Variants in VWA3B observed in about 807,000 individuals in gnomAD.
VWA3B encodes the protein von Willebrand factor A domain-containing protein 3B.
A neutral mutation model predicts 158.3 loss-of-function variants in VWA3B; 138 were observed. The observed-to-expected ratio is 0.87, with a 90% CI of 0.76 to 1.00. The LOEUF is 1.00. Among genes scored for constraint, VWA3B ranks in the 50% least tolerant of loss-of-function variants. VWA3B has a pLI of 0.00. For synonymous variants in VWA3B, 596 were observed against 587.3 expected, an observed-to-expected ratio of 1.01 and a Z score of -0.21; for missense variants, 1,555 against 1,565.1, an observed-to-expected ratio of 0.99 and a Z score of 0.11.
At chr2:98,183,189 CT>C (rs1244544813) in intron 9 of VWA3B, among the ~76,000 whole-genome samples, 597 of 124,596 alleles carry the variant, frequency 4.8e-3, no homozygotes, top group African/African-American at 0.011. Flanking sequence ...GTACAGCTCC[CT>C]TTTTTTTTTT....
At chr2:98,211,800 T>C in intron 12 of VWA3B, 130 bp from the exon 13 acceptor site, 3 of 751,376 alleles carry the variant, frequency 4.0e-6, no homozygotes, top group South Asian at 3.8e-5. Flanking sequence ...TAAACTATTA[T>C]CTCAATGTAA....
At chr2:98,096,702 T>C (rs1682737663) in intron 2 of VWA3B, among the ~76,000 whole-genome samples, 1 of 152,248 alleles carries the variant, frequency 6.6e-6, no homozygotes, top group South Asian at 2.1e-4. Context: ...TCTAATTTGT[T>C]CATGTGTAAT....
At chr2:98,302,870 A>G (rs1243638581) in intron 25 of VWA3B, among the ~76,000 whole-genome samples, 1 of 152,178 alleles carries the variant, frequency 6.6e-6, no homozygotes, top group East Asian at 1.9e-4. Context: ...TTAAGCGCAA[A>G]GGAGAAAGAC....
Position 98,250,378 on chromosome 2 carries a change from G to T in VWA3B, c.2734G>T (p.Gly912Ter). Residue 912 changes from glycine (G) to a stop codon, truncating the protein, a stop_gained, in exon 20 of 28, where the codon GGA becomes TGA. Coordinates refer to ENST00000477737, the MANE Select transcript of VWA3B (RefSeq NM_144992.5). LOFTEE classifies it high-confidence loss of function. ...TAAGATGACATTAATTAACCCCCAA[G>T]GAGCCAAACTCAATATCTACAAGCG... ...TNKMTLINPQGAKLNIYKRKV... is the reference protein window; with the variant it reads ...TNKMTLINPQ The T allele has an allele frequency of 3.7e-6, 6 of 1,613,324 alleles. No individual in the cohort carries two copies. Among genetic ancestry groups the T allele is most frequent in the Non-Finnish European group, 3.4e-6 (4 of 1,179,784 alleles).
chr2:98,316,926 C>T (rs1017804735), downstream of VWA3B, among the ~76,000 whole-genome samples: 9 of 152,168 alleles, frequency 5.9e-5, no homozygotes, highest in Non-Finnish European at 1.3e-4. Flanking sequence ...TGCTGCCATG[C>T]TTCCTGTACA....
intron 1 of VWA3B, among the ~76,000 whole-genome samples, chr2:98,092,842 A>G (rs1364943777): frequency 1.4e-4 from 19 of 135,360 alleles, no homozygotes; most frequent in East Asian, 2.2e-4. Flanking sequence ...ATATATATAT[A>G]TATATATATA....
intron 9 of VWA3B, among the ~76,000 whole-genome samples, chr2:98,183,971 C>A (rs141287638): frequency 6.6e-6 from 1 of 152,140 alleles, no homozygotes; most frequent in Non-Finnish European, 1.5e-5. Context: ...ATTTATGGAA[C>A]GCTTCTATGC....
rs925507878 is a variant in VWA3B at position 98,270,694 on chromosome 2, C to T, written c.2856C>T (p.Asn952=). The change falls in exon 22 of 28, where the codon AAC becomes AAT. Residue 952 remains asparagine (N), a synonymous_variant. Transcript: ENST00000477737. The part of the protein sequence containing the change: ...SQEEKEKLDA[N]KPIQYLENKT... ...CTTTGTTTTTTAGGTTAGATGCAAACAAACCAATACAGTACTTGGAAAACA... is the reference window on the plus strand; with the variant it reads ...CTTTGTTTTTTAGGTTAGATGCAAATAAACCAATACAGTACTTGGAAAACA... 3.7e-6 allele frequency: 6 copies of T among 1,613,240 alleles called. No homozygotes were observed. The African/African-American group carries it at 8.0e-5, about 22-fold the overall frequency.
chr2:98,121,270 C>T (rs1674937985), intron 4 of VWA3B, 29 bp from the exon 5 acceptor site: 1 of 1,603,432 alleles, frequency 6.2e-7, no homozygotes, highest in Non-Finnish European at 8.5e-7. Flanking sequence ...GATCACTGCC[C>T]AGTGACCACT....
chr2:98,140,251 G>A (rs1676667139), intron 7 of VWA3B, among the ~76,000 whole-genome samples: 1 of 152,182 alleles, frequency 6.6e-6, no homozygotes, highest in Non-Finnish European at 1.5e-5. Context: ...GGACACAACC[G>A]CATGCCTTAG....
At chr2:98,280,289 G>A (rs530044399) in intron 22 of VWA3B, among the ~76,000 whole-genome samples, 10 of 151,768 alleles carry the variant, frequency 6.6e-5, no homozygotes, top group African/African-American at 2.4e-4. Flanking sequence ...GGATTTTTTT[G>A]TTTTTCTGTT....
chr2:98,215,670 G>A (rs951707985), intron 13 of VWA3B, among the ~76,000 whole-genome samples: 2 of 151,438 alleles, frequency 1.3e-5, no homozygotes, highest in East Asian at 2.0e-4. Flanking sequence ...GGCTCACGCC[G>A]CCACACCCGG....
chr2:98,329,328 T>C, the VWA3B span, among the ~76,000 whole-genome samples: 2 of 152,116 alleles, frequency 1.3e-5, no homozygotes, highest in Non-Finnish European at 2.9e-5. Context: ...AACGAAAAAA[T>C]TGATGTTTGT....
chr2:98,285,742 A>G (rs932318062), intron 22 of VWA3B, among the ~76,000 whole-genome samples: 2 of 151,882 alleles, frequency 1.3e-5, no homozygotes, highest in South Asian at 4.2e-4. Flanking sequence ...CTCTGCATTT[A>G]TATGTAAATT....
At chr2:98,169,502 A>T (rs1250222029) in intron 8 of VWA3B, among the ~76,000 whole-genome samples, 1 of 152,240 alleles carries the variant, frequency 6.6e-6, no homozygotes, top group Non-Finnish European at 1.5e-5. Context: ...GCCAATAGAA[A>T]ACAAATAGCA....
At chr2:98,151,117 T>A (rs1234440885) in intron 7 of VWA3B, among the ~76,000 whole-genome samples, 1 of 151,388 alleles carries the variant, frequency 6.6e-6, no homozygotes, top group East Asian at 1.9e-4. Context: ...TAACTAGTGC[T>A]AATTTTTTTT....
chr2:98,241,462 G>A (rs1686067737), intron 19 of VWA3B, among the ~76,000 whole-genome samples: 1 of 151,922 alleles, frequency 6.6e-6, no homozygotes. Flanking sequence ...GGGCAGTCAG[G>A]AGGCAGGGCT....
chr2:98,192,387 A>T (rs1681665788), intron 10 of VWA3B: 1 of 159,808 alleles, frequency 6.3e-6, no homozygotes, highest in African/African-American at 2.4e-5. Flanking sequence ...GGAAAATTAC[A>T]GTCAAAGGGG....
chr2:98,297,304 A>G (rs913774335), intron 23 of VWA3B, among the ~76,000 whole-genome samples: 1 of 149,258 alleles, frequency 6.7e-6, no homozygotes, highest in Non-Finnish European at 1.5e-5. Context: ...CTGGTCTTGA[A>G]CTCCTGACCT....
Sources: gnomAD v4.1 joint callset for allele counts (sites outside exome capture counted in the v4.1 genomes callset) on GRCh38, gnomAD v4.1.1 for gene constraint, MANE v1.5 for transcripts, NCBI Gene and HGNC (gene_info 2026-07-23, HGNC 2026-07-21) for gene names.